The following GOLM1 variants were observed in gnomAD, a reference collection of about 807,000 sequenced individuals.
GOLM1 encodes epididymis luminal protein 46.
GOLM1 carries 31 observed loss-of-function variants against 50.5 expected under a neutral mutation model. The ratio of observed to expected loss-of-function variants is 0.61; its 90% CI spans 0.46 to 0.83. The LOEUF is 0.83. Ranked by LOEUF, GOLM1 falls within the 40% of genes least tolerant of loss-of-function variation. The pLI is 0.00. For missense variants in GOLM1, 491 were observed against 501.3 expected, an observed-to-expected ratio of 0.98 and a Z score of 0.20; for synonymous variants, 178 against 192.8, an observed-to-expected ratio of 0.92 and a Z score of 0.64.
intron 6 of GOLM1, among the ~76,000 whole-genome samples, chr9:86,038,646 ACT>A (rs61586755): frequency 0.059 from 8,940 of 152,176 alleles, 878 homozygotes; most frequent in African/African-American, 0.2. Flanking sequence ...CTTACAGCAC[ACT>A]GATTTCTGAC....
At chr9:86,096,194 G>A (rs1420749449) in intron 1 of GOLM1, among the ~76,000 whole-genome samples, 1 of 130,006 alleles carries the variant, frequency 7.7e-6, no homozygotes, top group Non-Finnish European at 1.6e-5. Context: ...TTTTTTTTTT[G>A]GTTTGGAAAT....
At chr9:86,079,946 T>C (rs1299036299) in intron 1 of GOLM1, 2 of 151,628 alleles carry the variant, frequency 1.3e-5, no homozygotes, top group Non-Finnish European at 2.9e-5. Flanking sequence ...GAATGTGAAC[T>C]CCCCCCCATG....
chr9:86,028,199 C>T (rs534859691), intron 9 of GOLM1, among the ~76,000 whole-genome samples: 1 of 152,290 alleles, frequency 6.6e-6, no homozygotes, highest in African/African-American at 2.4e-5. Context: ...TTGCATTTTC[C>T]AAGACCACTC....
At chr9:86,028,102 G>C (rs923831961) in intron 9 of GOLM1, among the ~76,000 whole-genome samples, 1 of 152,010 alleles carries the variant, frequency 6.6e-6, no homozygotes, top group African/African-American at 2.4e-5. Context: ...GGGTAGAGAA[G>C]GGCAGGGTCA....
chr9:86,030,268 C>G (rs887642689), intron 9 of GOLM1, among the ~76,000 whole-genome samples: 2 of 149,610 alleles, frequency 1.3e-5, no homozygotes, highest in Non-Finnish European at 3.0e-5. Context: ...AGTGACCAGA[C>G]CGTGAAACAT....
intron 3 of GOLM1, among the ~76,000 whole-genome samples, chr9:86,064,018 G>C (rs550143171): frequency 1.4e-4 from 22 of 152,286 alleles, no homozygotes; most frequent in African/African-American, 5.1e-4. Flanking sequence ...GAATCAAATA[G>C]GCATCTGAGT....
At chr9:86,064,016 T>C (rs1019328427) in intron 3 of GOLM1, among the ~76,000 whole-genome samples, 6 of 152,170 alleles carry the variant, frequency 3.9e-5, no homozygotes, top group Admixed American at 1.3e-4. Flanking sequence ...CTGAATCAAA[T>C]AGGCATCTGA....
rs1832820897 is a variant in GOLM1, at chr9:86,027,486, TAC to T, written c.*329_*330del. 1 of 1,107,468 alleles carries T rather than the reference TAC, an allele frequency of 9.0e-7. No individual in the cohort carries two copies. The highest frequency in any genetic ancestry group is 1.1e-6 in the Non-Finnish European group (1 of 907,278). The allele number at this position is 1,107,468 out of a possible 1,614,324, so 68.6% of individuals were successfully genotyped here. A position where few individuals can be genotyped will look rare whatever the true frequency, so the allele number is the denominator to read the frequency against. On this transcript the variant is annotated 3_prime_UTR_variant, in exon 10 of 10. Transcript: ENST00000388712. ...ACTCTTCTATAGGTGGCTGTTAATT[TAC>T]ACAAAGTTATATTCCAGAATCAGGA... is the stretch of plus-strand genomic sequence containing the variant.
chr9:86,051,933 T>A (rs1180328763), intron 4 of GOLM1, among the ~76,000 whole-genome samples: 1 of 152,142 alleles, frequency 6.6e-6, no homozygotes, highest in East Asian at 1.9e-4. Context: ...ATTTTTAACT[T>A]CCCAGTAACC....
Position 86,026,612 on chromosome 9 carries a change from TAGAG to T in GOLM1, c.*1201_*1204del, listed in dbSNP as rs1207347048. 5.1e-6 allele frequency: 5 copies of T among 981,928 alleles called. No homozygotes were observed. Among genetic ancestry groups the T allele is most frequent in the East Asian group, 2.3e-4 (2 of 8,808 alleles). 60.8% of individuals were successfully genotyped at this position (981,928 alleles called of 1,614,324 possible). ...CCTGTGGATCCTCCTACTTACCCCT[TAGAG>T]AGCCTTACTGGGAAGTCAGTCATTA... On this transcript the variant is annotated 3_prime_UTR_variant, in exon 10 of 10. Transcript: ENST00000388712.
intron 3 of GOLM1, among the ~76,000 whole-genome samples, chr9:86,059,085 C>G (rs775402548): frequency 1.3e-5 from 2 of 152,108 alleles, no homozygotes; most frequent in Admixed American, 1.3e-4. Flanking sequence ...GAACCCCCCC[C>G]CAATACACAG....
At chr9:86,085,229 G>A (rs535560248) in intron 1 of GOLM1, among the ~76,000 whole-genome samples, 13 of 152,110 alleles carry the variant, frequency 8.5e-5, no homozygotes, top group Non-Finnish European at 2.9e-5. Context: ...TTAATTGTGA[G>A]TACAAATGAG....
chr9:86,085,496 A>G (rs1456629685), intron 1 of GOLM1, among the ~76,000 whole-genome samples: 1 of 65,984 alleles, frequency 1.5e-5, no homozygotes, highest in South Asian at 4.0e-4. Flanking sequence ...TTTTTAAATT[A>G]TACTTTAAGC....
intron 8 of GOLM1, among the ~76,000 whole-genome samples, chr9:86,033,681 G>C (rs1833050703): frequency 6.6e-6 from 1 of 152,140 alleles, no homozygotes; most frequent in Non-Finnish European, 1.5e-5. Context: ...TTTTTAAAGA[G>C]ATAATCAACT....
intron 1 of GOLM1, chr9:86,084,991 G>C (rs1358918513): frequency 6.6e-6 from 1 of 152,360 alleles, no homozygotes; most frequent in African/African-American, 2.4e-5. Flanking sequence ...GTTGCAGTGA[G>C]TCGAGATCGC....
chr9:86,080,684 G>C (rs757584191), intron 1 of GOLM1, among the ~76,000 whole-genome samples: 39 of 152,122 alleles, frequency 2.6e-4, no homozygotes, highest in African/African-American at 8.7e-4. Context: ...CAATCTAGCC[G>C]AATCATCTAA....
At chr9:86,088,754 C>T (rs1587742076) in intron 1 of GOLM1, among the ~76,000 whole-genome samples, 1 of 151,774 alleles carries the variant, frequency 6.6e-6, no homozygotes, top group East Asian at 1.9e-4. Flanking sequence ...GCATTTAGCC[C>T]ATTTACATTT....
At position 86,076,421 on chromosome 9, in the gene GOLM1, C is replaced by CAAAA. The variant is rs58193076; in HGVS notation, c.309+987_309+990dup. Among the ~76,000 whole-genome samples, 96 of 23,324 alleles carry CAAAA rather than the reference C, an allele frequency of 4.1e-3. 13 individuals carry two copies. The highest frequency in any genetic ancestry group is 0.027 in the East Asian group (24 of 888). The allele number at this position is 23,324 out of a possible 152,430, so 15.3% of individuals were successfully genotyped here. ...GGACAACAAGAGGGAAACCCCATCT[C>CAAAA]AAAAAAAAAAAAAAAAAAAAAAAAA... On this transcript the variant is annotated intron_variant, in intron 3 of 9. Coordinates refer to ENST00000388712, the MANE Select transcript of GOLM1 (RefSeq NM_016548.4).
intron 3 of GOLM1, among the ~76,000 whole-genome samples, chr9:86,076,811 T>C (rs986504217): frequency 3.3e-5 from 5 of 151,222 alleles, no homozygotes; most frequent in South Asian, 2.1e-4. Context: ...TGAGCCAAGA[T>C]TGCACCATTG....
Sources: gnomAD v4.1 joint callset for allele counts (sites outside exome capture counted in the v4.1 genomes callset) on GRCh38, gnomAD v4.1.1 for gene constraint, MANE v1.5 for transcripts, NCBI Gene and HGNC (gene_info 2026-07-23, HGNC 2026-07-21) for gene names.